Variants in CREB5 observed in about 807,000 individuals in gnomAD.
CREB5 encodes cAMP responsive element binding protein 5.
CREB5 carries 19 observed loss-of-function variants against 57.1 expected under a neutral mutation model. The observed-to-expected ratio is 0.33, with a 90% CI of 0.23 to 0.49. The LOEUF (loss-of-function observed/expected upper bound fraction) is 0.49. Ranked by LOEUF, CREB5 falls within the 20% of genes least tolerant of loss-of-function variation. The pLI, the probability that CREB5 is intolerant of heterozygous loss-of-function variation, is 0.99. For missense variants in CREB5, 579 were observed against 671.6 expected, an observed-to-expected ratio of 0.86 and a Z score of 1.52; for synonymous variants, 238 against 238.3, an observed-to-expected ratio of 1.00 and a Z score of 0.01.
chr7:28,764,538 G>A (rs954233396), intron 7 of CREB5, among the ~76,000 whole-genome samples: 1 of 152,114 alleles, frequency 6.6e-6, no homozygotes, highest in African/African-American at 2.4e-5. Flanking sequence ...TATTCGTGTT[G>A]GATGGTCTTA....
chr7:28,725,815 C>G (rs1326749790), intron 7 of CREB5, among the ~76,000 whole-genome samples: 1 of 152,106 alleles, frequency 6.6e-6, no homozygotes, highest in African/African-American at 2.4e-5. Context: ...ATCTTCTTAT[C>G]TGCTTCAGGG....
rs1809784861 is a variant in CREB5 at position 28,821,770 on chromosome 7, A to G, written c.*2491A>G. On this transcript the variant is annotated 3_prime_UTR_variant, in exon 11 of 11. Coordinates refer to ENST00000357727, the MANE Select transcript of CREB5 (RefSeq NM_182898.4). ...CCTCCCCTCCACAAAAAGGAGAAAG[A>G]GTGCATTAAAATGTTTAGTTGGGTT... 6.6e-6 allele frequency: 1 copy of G among 152,578 alleles called. No homozygotes were observed. The highest frequency in any genetic ancestry group is 1.5e-5 in the Non-Finnish European group (1 of 68,052). 9.5% of individuals were successfully genotyped at this position (152,578 alleles called of 1,614,324 possible). A position where few individuals can be genotyped will look rare whatever the true frequency, so the allele number is the denominator to read the frequency against.
At chr7:28,678,929 G>A (rs1379445639) in intron 5 of CREB5, among the ~76,000 whole-genome samples, 1 of 152,102 alleles carries the variant, frequency 6.6e-6, no homozygotes, top group Non-Finnish European at 1.5e-5. Context: ...TAGACACAGA[G>A]CTCTACAGCT....
At chr7:28,354,081 C>G (rs1209643605) in intron 1 of CREB5, among the ~76,000 whole-genome samples, 1 of 152,146 alleles carries the variant, frequency 6.6e-6, no homozygotes, top group Non-Finnish European at 1.5e-5. Flanking sequence ...TAGGCACGAT[C>G]CTTCTGCCAG....
chr7:28,608,902 C>A (rs1159416040), intron 5 of CREB5, among the ~76,000 whole-genome samples: 3 of 152,108 alleles, frequency 2.0e-5, no homozygotes, highest in African/African-American at 7.2e-5. Context: ...CTTAATTTAA[C>A]AGGGAGATTT....
intron 8 of CREB5, among the ~76,000 whole-genome samples, chr7:28,806,278 T>C (rs1326849607): frequency 6.6e-6 from 1 of 152,216 alleles, no homozygotes; most frequent in Non-Finnish European, 1.5e-5. Flanking sequence ...GTTGCTTTTT[T>C]TAATTGTATG....
chr7:28,314,593 C>G (rs1321737791), intron 1 of CREB5, among the ~76,000 whole-genome samples: 1 of 152,204 alleles, frequency 6.6e-6, no homozygotes, highest in African/African-American at 2.4e-5. Flanking sequence ...AGACAACACA[C>G]ACAGCACAGT....
chr7:28,321,391 C>G (rs774277579), intron 1 of CREB5, among the ~76,000 whole-genome samples: 39 of 152,216 alleles, frequency 2.6e-4, no homozygotes, highest in Admixed American at 9.2e-4. Flanking sequence ...GCCTCTTGTC[C>G]AAAAATCAGG....
At chr7:28,560,779 A>C in intron 4 of CREB5, among the ~76,000 whole-genome samples, 1 of 151,304 alleles carries the variant, frequency 6.6e-6, no homozygotes, top group Non-Finnish European at 1.5e-5. Context: ...TCGGTGACAC[A>C]TCTTTCTCTG....
At chr7:28,524,439 C>G (rs1583576337) in intron 4 of CREB5, among the ~76,000 whole-genome samples, 2 of 151,928 alleles carry the variant, frequency 1.3e-5, no homozygotes, top group East Asian at 3.9e-4. Context: ...TGGAAGTGAG[C>G]TGCAGTGAGC....
intron 1 of CREB5, among the ~76,000 whole-genome samples, chr7:28,425,241 A>AT (rs1788453975): frequency 1.3e-5 from 2 of 152,216 alleles, no homozygotes; most frequent in Non-Finnish European, 2.9e-5. Flanking sequence ...TGGTGCATCC[A>AT]TATATTGAAA....
At chr7:28,634,401 C>T (rs1225732602) in intron 5 of CREB5, among the ~76,000 whole-genome samples, 1 of 152,132 alleles carries the variant, frequency 6.6e-6, no homozygotes, top group African/African-American at 2.4e-5. Flanking sequence ...GTGCTTTACT[C>T]TTAATGAAAA....
chr7:28,517,947 C>T (rs73299165), intron 4 of CREB5, among the ~76,000 whole-genome samples: 2,886 of 152,126 alleles, frequency 0.019, 94 homozygotes, highest in African/African-American at 0.066. Context: ...CAGGATGAGA[C>T]CGGTGTGTAT....
At chr7:28,490,900 C>CT (rs5883138) in intron 2 of CREB5, among the ~76,000 whole-genome samples, 44,967 of 152,194 alleles carry the variant, frequency 0.3, 7,693 homozygotes, top group Non-Finnish European at 0.37. Flanking sequence ...AACCCTTCTT[C>CT]TTTTTGGCAA....
intron 5 of CREB5, among the ~76,000 whole-genome samples, chr7:28,605,989 C>G (rs571240813): frequency 2.0e-5 from 3 of 152,124 alleles, no homozygotes; most frequent in Non-Finnish European, 4.4e-5. Flanking sequence ...AACGACTGAA[C>G]ACTTGACGTG....
At chr7:28,398,727 T>G (rs1025029859) in intron 1 of CREB5, among the ~76,000 whole-genome samples, 1 of 152,176 alleles carries the variant, frequency 6.6e-6, no homozygotes, top group Non-Finnish European at 1.5e-5. Flanking sequence ...TATTATTATT[T>G]TTGAGACAGG....
chr7:28,450,748 C>A (rs1276369070), intron 1 of CREB5, among the ~76,000 whole-genome samples: 1 of 152,172 alleles, frequency 6.6e-6, no homozygotes. Flanking sequence ...TAAGTCTTGG[C>A]AAAATTTATA....
intron 4 of CREB5, among the ~76,000 whole-genome samples, chr7:28,541,274 TA>T (rs368545428): frequency 5.3e-4 from 80 of 152,208 alleles, no homozygotes; most frequent in African/African-American, 1.9e-3. Context: ...GCTCTACTGT[TA>T]AAAATCTAAA....
chr7:28,329,577 C>A (rs1466853785), intron 1 of CREB5, among the ~76,000 whole-genome samples: 1 of 152,184 alleles, frequency 6.6e-6, no homozygotes, highest in Non-Finnish European at 1.5e-5. Flanking sequence ...CAACTTCTTT[C>A]TTTTAAAAAA....
Sources: allele counts gnomAD v4.1 joint callset (sites outside exome capture counted in the v4.1 genomes callset), GRCh38; gene constraint gnomAD v4.1.1; transcripts MANE v1.5; gene names NCBI Gene and HGNC (gene_info 2026-07-23, HGNC 2026-07-21).